The following PTGER4 variants were observed in gnomAD, a reference collection of about 807,000 sequenced individuals.
PTGER4 encodes prostaglandin E receptor 4.
A neutral mutation model predicts 33.2 loss-of-function variants in PTGER4; 11 were observed. The ratio of observed to expected loss-of-function variants is 0.33; its 90% confidence interval spans 0.21 to 0.55. The LOEUF (loss-of-function observed/expected upper bound fraction) is 0.55. PTGER4 is among the 20% of genes least tolerant of loss of function. The pLI, the probability that PTGER4 is intolerant of heterozygous loss-of-function variation, is 0.92. For synonymous variants in PTGER4, 275 were observed against 281.5 expected (o/e 0.98, Z 0.23); for missense variants, 481 against 650.2 (o/e 0.74, Z 2.83).
chr5:40,734,538 G>T, the PTGER4 span, among the ~76,000 whole-genome samples: 3 of 152,194 alleles, frequency 2.0e-5, no homozygotes, highest in Non-Finnish European at 4.4e-5. Context: ...GCCCTATACT[G>T]AGGTAAAGAA....
At chr5:40,704,530 A>C in the PTGER4 span, among the ~76,000 whole-genome samples, 3 of 152,220 alleles carry the variant, frequency 2.0e-5, no homozygotes, top group African/African-American at 7.2e-5. Context: ...AAATAGGAAG[A>C]GAGGAAATCA....
the PTGER4 span, among the ~76,000 whole-genome samples, chr5:40,724,853 A>ATT: frequency 3.6e-5 from 5 of 138,144 alleles, no homozygotes; most frequent in African/African-American, 1.1e-4. Flanking sequence ...TTACAAGTGG[A>ATT]TTTTTTTTTT....
At chr5:40,729,870 T>C in the PTGER4 span, among the ~76,000 whole-genome samples, 2 of 152,126 alleles carry the variant, frequency 1.3e-5, no homozygotes, top group Non-Finnish European at 2.9e-5. Flanking sequence ...AGCTAATATT[T>C]GTATTTTTAG....
chr5:40,744,469 T>G, the PTGER4 span, among the ~76,000 whole-genome samples: 1 of 147,384 alleles, frequency 6.8e-6, no homozygotes, highest in Non-Finnish European at 1.5e-5. Context: ...ACAAGAAATC[T>G]TATCACCACT....
Position 40,693,365 on chromosome 5 carries a change from G to C in PTGER4, c.*987G>C. The C allele has an allele frequency of 1.0e-6, 1 of 983,788 alleles. No individual in the cohort carries two copies. The highest frequency in any genetic ancestry group is 4.7e-5 in the South Asian group (1 of 21,258). 60.9% of individuals were successfully genotyped at this position (983,788 alleles called of 1,614,324 possible). On this transcript the variant is annotated 3_prime_UTR_variant, in exon 3 of 3. Coordinates refer to ENST00000302472, the MANE Select transcript of PTGER4 (RefSeq NM_000958.3). ...TATTGTTTCTCTGAAAGTGTGTGTA[G>C]TTTTACTTTCCTAAGGAATTACCAA...
At chr5:40,687,453 G>A (rs1005116831) in intron 2 of PTGER4, among the ~76,000 whole-genome samples, 2 of 152,158 alleles carry the variant, frequency 1.3e-5, no homozygotes, top group Non-Finnish European at 2.9e-5. Context: ...TGTTGGACAA[G>A]AATTCCGAAA....
At position 40,681,128 on chromosome 5, in the gene PTGER4, G is replaced by A; in HGVS notation, c.135G>A (p.Ser45=). 1 of 1,614,100 alleles carries A rather than the reference G, an allele frequency of 6.2e-7. No individual in the cohort carries two copies. The highest frequency in any genetic ancestry group is 8.5e-7 in the Non-Finnish European group (1 of 1,180,036). The part of the protein sequence containing the change: ...NLVAIVVLCK[S]RKEQKETTFY... ...TGGCCATCGTGGTGCTGTGCAAGTC[G>A]CGCAAGGAGCAGAAGGAGACGACCT... is the stretch of plus-strand genomic sequence containing the variant. The change falls in exon 2 of 3, where the codon TCG becomes TCA. Residue 45 remains serine, a synonymous_variant. Coordinates refer to ENST00000302472, the MANE Select transcript of PTGER4 (RefSeq NM_000958.3). The surrounding 1 kb of genome is among the most constrained non-coding windows in gnomAD (Gnocchi z 9.8).
chr5:40,715,785 T>A, the PTGER4 span: 15 of 173,336 alleles, frequency 8.7e-5, no homozygotes, highest in Middle Eastern at 2.6e-3. Flanking sequence ...TCCTTTATCA[T>A]AAAACAAAAG....
chr5:40,689,219 C>G (rs1741406210), intron 2 of PTGER4, among the ~76,000 whole-genome samples: 1 of 151,938 alleles, frequency 6.6e-6, no homozygotes, highest in Non-Finnish European at 1.5e-5. Flanking sequence ...TGTAAGTTCT[C>G]AAAACAAAAC....
intron 2 of PTGER4, among the ~76,000 whole-genome samples, chr5:40,686,606 A>G (rs1391852793): frequency 6.6e-6 from 1 of 152,234 alleles, no homozygotes; most frequent in African/African-American, 2.4e-5. Context: ...TTATCTCTAC[A>G]GCATATAGCC....
the PTGER4 span, among the ~76,000 whole-genome samples, chr5:40,733,405 A>C: frequency 6.6e-6 from 1 of 152,230 alleles, no homozygotes; most frequent in Non-Finnish European, 1.5e-5. Context: ...TAAACAATGC[A>C]TTCAAAAAAT....
chr5:40,726,112 A>C, the PTGER4 span, among the ~76,000 whole-genome samples: 6 of 150,026 alleles, frequency 4.0e-5, no homozygotes, highest in East Asian at 1.2e-3. Flanking sequence ...TCATCCTTCC[A>C]CTTCTTAAAA....
chr5:40,715,493 C>T, the PTGER4 span: 31 of 152,202 alleles, frequency 2.0e-4, no homozygotes, highest in African/African-American at 7.0e-4. Context: ...TACACTTTTA[C>T]CAAATACTGA....
At chr5:40,697,234 GAAA>G (rs1741625537), downstream of PTGER4, among the ~76,000 whole-genome samples, 1 of 73,576 alleles carries the variant, frequency 1.4e-5, no homozygotes, top group African/African-American at 4.3e-5. Context: ...AGAAAAGAAA[GAAA>G]GAAAGAAAGA....
At chr5:40,702,704 A>T in the PTGER4 span, among the ~76,000 whole-genome samples, 1 of 152,242 alleles carries the variant, frequency 6.6e-6, no homozygotes, top group Non-Finnish European at 1.5e-5. Flanking sequence ...AAAACAACAG[A>T]ATATACATTC....
the PTGER4 span, among the ~76,000 whole-genome samples, chr5:40,724,728 G>A: frequency 6.6e-6 from 1 of 151,838 alleles, no homozygotes. Flanking sequence ...ATTCTTAAGT[G>A]TCAACATACA....
In PTGER4 at chr5:40,681,467, C is replaced by T. The variant is rs1741186450; in HGVS notation, c.474C>T (p.Leu158=). 1.9e-6 allele frequency: 3 copies of T among 1,613,662 alleles called. No individual in the cohort carries two copies. The highest frequency in any genetic ancestry group is 1.7e-6 in the Non-Finnish European group (2 of 1,180,036). The change falls in exon 2 of 3, where the codon CTC becomes CTT. Residue 158 remains leucine, a synonymous_variant. Transcript: ENST00000302472. The surrounding 1 kb of genome is among the most constrained non-coding windows in gnomAD (Gnocchi z 9.8). The part of the protein sequence containing the change: ...VLFCALPNMG[L]GSSRLQYPDT... Reference sequence around the variant, plus strand: ...TTTGCGCGCTGCCCAACATGGGTCTCGGTAGCTCGCGGCTGCAGTACCCAG... The same window carrying T: ...TTTGCGCGCTGCCCAACATGGGTCTTGGTAGCTCGCGGCTGCAGTACCCAG...
At chr5:40,714,116 A>G in the PTGER4 span, among the ~76,000 whole-genome samples, 2 of 152,220 alleles carry the variant, frequency 1.3e-5, no homozygotes, top group East Asian at 3.8e-4. Context: ...TAGTGGCCAC[A>G]TGCATTCCAT....
At chr5:40,688,589 A>G (rs1323535377) in intron 2 of PTGER4, among the ~76,000 whole-genome samples, 1 of 152,222 alleles carries the variant, frequency 6.6e-6, no homozygotes, top group African/African-American at 2.4e-5. Flanking sequence ...TCTGCCACCA[A>G]CAGGGTGGGG....
Sources: gnomAD v4.1 joint callset for allele counts (sites outside exome capture counted in the v4.1 genomes callset) on GRCh38, gnomAD v4.1.1 for gene constraint, Gnocchi (gnomAD v3.1) non-coding constraint, MANE v1.5 for transcripts, NCBI Gene and HGNC (gene_info 2026-07-23, HGNC 2026-07-21) for gene names.